Variants in PSORS1C1 observed in about 807,000 individuals in gnomAD.
PSORS1C1 encodes the protein psoriasis susceptibility 1 candidate gene 1 protein.
PSORS1C1 carries 7 observed loss-of-function variants against 9.4 expected under a neutral mutation model. The observed-to-expected ratio is 0.75, with a 90% CI of 0.42 to 1.40. The LOEUF (loss-of-function observed/expected upper bound fraction) is 1.40. PSORS1C1 is among the 40% of genes most tolerant of loss of function. The probability of loss-of-function intolerance (pLI) is 0.01; values close to 1 mark genes in which losing one functional copy is unlikely to be tolerated. For synonymous variants in PSORS1C1, 63 were observed against 69.4 expected (o/e 0.91, Z 0.46); for missense variants, 146 against 178.1 (o/e 0.82, Z 1.02).
chr6:31,124,796 C>T lies in PSORS1C1; in HGVS notation c.-228-880C>T, dbSNP rs571782729. On this transcript the variant is annotated intron_variant, in intron 1 of 5. Coordinates refer to ENST00000259881, the MANE Select transcript of PSORS1C1 (RefSeq NM_014068.3). The stretch of plus-strand genomic sequence containing the variant: ...ACCAGCCTGGCCAACATGGCAAAAC[C>T]ATCTCTACTAAAAATACAAAAATTA... 2.5e-3 allele frequency among the ~76,000 whole-genome samples: 374 copies of T among 152,304 alleles called. 1 individual carries two copies. The highest frequency in any genetic ancestry group is 3.9e-3 in the Non-Finnish European group (265 of 68,016).
At position 31,139,072 on chromosome 6, in the gene PSORS1C1, C is replaced by T. The variant is rs144694558; in HGVS notation, c.167+293C>T. The T allele has an allele frequency of 3.9e-3, 6,096 of 1,561,094 alleles. 27 individuals carry two copies. The highest frequency in any genetic ancestry group is 9.6e-3 in the Middle Eastern group (57 of 5,938). On this transcript the variant is annotated intron_variant, in intron 5 of 5. Coordinates refer to ENST00000259881, the MANE Select transcript of PSORS1C1 (RefSeq NM_014068.3). This position sits in a 1 kb window ranked among gnomAD's most constrained non-coding sequence, Gnocchi z 5.2. ...AGCTGGGGTGGGCTGAGTCTGGGTG[C>T]CTGGGAACCCCAAGAGGCTTTATAG... is the stretch of plus-strand genomic sequence containing the variant.
intron 3 of PSORS1C1, among the ~76,000 whole-genome samples, chr6:31,130,604 A>G (rs3131008): frequency 0.86 from 131,118 of 151,876 alleles, 56,924 homozygotes; most frequent in Middle Eastern, 0.95. Context: ...TAGTAGAGAC[A>G]GGGTTTCACC....
In PSORS1C1 at chr6:31,138,697, A is replaced by C. The variant is rs756886699; in HGVS notation, c.85A>C (p.Thr29Pro). The C allele has an allele frequency of 6.2e-7, 1 of 1,612,146 alleles. No homozygotes were observed. Among genetic ancestry groups the C allele is most frequent in the Non-Finnish European group, 8.5e-7 (1 of 1,179,642 alleles). The change falls in exon 5 of 6, where the codon ACA becomes CCA. Residue 29 changes from threonine to proline, a missense_variant. Physicochemically the swap from Thr to Pro is conservative, Grantham distance 38 (BLOSUM62 -1). Transcript: ENST00000259881. ...TTTACAAGGACCCCAGCTCCTTAAC[A>C]CAGATCCCAGCTCCGAGGAAACTCG... Reference protein sequence around the residue: ...PALQGPQLLNTDPSSEETRPP... With the variant: ...PALQGPQLLNPDPSSEETRPP...
chr6:31,139,021 G>C lies in PSORS1C1; in HGVS notation c.167+242G>C. The C allele has an allele frequency of 6.2e-7, 1 of 1,614,042 alleles. No individual in the cohort carries two copies. Among genetic ancestry groups the C allele is most frequent in the Non-Finnish European group, 8.5e-7 (1 of 1,179,956 alleles). On this transcript the variant is annotated intron_variant, in intron 5 of 5. Coordinates refer to ENST00000259881, the MANE Select transcript of PSORS1C1 (RefSeq NM_014068.3). The surrounding 1 kb of genome is among the most constrained non-coding windows in gnomAD (Gnocchi z 5.2). ...GGATCCCCAGGAGCTTCCAGTTGAG[G>C]ATCATGGCTATGTACTGGCCCCCAA...
intron 1 of PSORS1C1, chr6:31,116,493 A>C: frequency 1.2e-6 from 2 of 1,609,060 alleles, no homozygotes; most frequent in Non-Finnish European, 1.7e-6. Flanking sequence ...GGACCCCACC[A>C]GTCCCCACTG....
chr6:31,117,010 A>G lies in PSORS1C1; in HGVS notation c.-229+2119A>G, dbSNP rs707913. On this transcript the variant is annotated intron_variant, in intron 1 of 5. Transcript: ENST00000259881. ...GCTTTGGCCACTGCTGGATACCCCAAAGGTCTGGGAAGAGGAAGAGCTTTG... is the reference window on the plus strand; with the variant it reads ...GCTTTGGCCACTGCTGGATACCCCAGAGGTCTGGGAAGAGGAAGAGCTTTG... The G allele has an allele frequency of 0.22, 351,147 of 1,613,866 alleles. 41,221 individuals are homozygous for G. Among genetic ancestry groups the G allele is most frequent in the African/African-American group, 0.38 (28,475 of 74,958 alleles).
intron 1 of PSORS1C1, among the ~76,000 whole-genome samples, chr6:31,122,600 A>T (rs936913405): frequency 6.8e-6 from 1 of 147,946 alleles, no homozygotes; most frequent in African/African-American, 2.6e-5. Context: ...ACATGGCGAA[A>T]CCCCGTCTCT....
At chr6:31,121,786 G>A (rs1017947977) in intron 1 of PSORS1C1, among the ~76,000 whole-genome samples, 1 of 152,374 alleles carries the variant, frequency 6.6e-6, no homozygotes, top group African/African-American at 2.4e-5. Flanking sequence ...AGACCAGCAG[G>A]AGGATGGAAA....
chr6:31,123,312 T>A (rs1772545223), intron 1 of PSORS1C1, among the ~76,000 whole-genome samples: 3 of 152,278 alleles, frequency 2.0e-5, no homozygotes, highest in African/African-American at 7.2e-5. Context: ...TTTGGTTTTT[T>A]ACTGAAACCC....
intron 1 of PSORS1C1, chr6:31,120,497 G>T: frequency 7.9e-7 from 1 of 1,258,178 alleles, no homozygotes; most frequent in Non-Finnish European, 1.1e-6. Context: ...ACATTCCCTG[G>T]GCAGGAGTCA....
intron 3 of PSORS1C1, among the ~76,000 whole-genome samples, chr6:31,136,777 AC>A (rs1773157785): frequency 6.6e-6 from 1 of 152,340 alleles, no homozygotes; most frequent in East Asian, 1.9e-4. Flanking sequence ...TACATGCTGG[AC>A]ATGGGCAAGA....
Position 31,115,855 on chromosome 6 carries a change from T to A in PSORS1C1, c.-229+964T>A. On this transcript the variant is annotated intron_variant, in intron 1 of 5. Coordinates refer to ENST00000259881, the MANE Select transcript of PSORS1C1 (RefSeq NM_014068.3). This position sits in a 1 kb window ranked among gnomAD's most constrained non-coding sequence, Gnocchi z 4.2. ...TTTGAGAAGAGGAAGGAGGAAGGGG[T>A]GATAAGAGAGAGTCTGCAACCTTGG... 1 of 610,296 alleles carries A rather than the reference T, an allele frequency of 1.6e-6. No homozygotes were observed. The highest frequency in any genetic ancestry group is 3.0e-6 in the Non-Finnish European group (1 of 338,824). 37.8% of individuals were successfully genotyped at this position (610,296 alleles called of 1,614,324 possible). A position where few individuals can be genotyped will look rare whatever the true frequency, so the allele number is the denominator to read the frequency against.
chr6:31,127,956 G>A (rs1772757751), intron 2 of PSORS1C1, among the ~76,000 whole-genome samples: 2 of 152,198 alleles, frequency 1.3e-5, no homozygotes, highest in African/African-American at 4.8e-5. Flanking sequence ...CTCCCTCACT[G>A]GAAGGCAGCT....
intron 3 of PSORS1C1, 124 bp from the exon 4 acceptor site, chr6:31,138,306 C>A: frequency 6.3e-7 from 1 of 1,598,444 alleles, no homozygotes; most frequent in African/African-American, 1.3e-5. Flanking sequence ...GCCTGAGATG[C>A]CTGTAAAGGA....
chr6:31,117,692 G>C, intron 1 of PSORS1C1: 1 of 645,010 alleles, frequency 1.6e-6, no homozygotes, highest in South Asian at 1.8e-5. Context: ...GTCTCTAAAG[G>C]ATATTGAGGT....
chr6:31,117,478 G>A (rs1280456389), intron 1 of PSORS1C1: 13 of 1,552,888 alleles, frequency 8.4e-6, no homozygotes, highest in Middle Eastern at 1.7e-4. Flanking sequence ...GGTGATACGC[G>A]TGGGGTCCTT....
chr6:31,117,678 T>C, intron 1 of PSORS1C1: 3 of 704,534 alleles, frequency 4.3e-6, no homozygotes, highest in Non-Finnish European at 5.0e-6. Context: ...AAGAACTGGC[T>C]ATTGTCTCTA....
chr6:31,115,225 C>T lies in PSORS1C1; in HGVS notation c.-229+334C>T, dbSNP rs901771140. On this transcript the variant is annotated intron_variant, in intron 1 of 5. Coordinates refer to ENST00000259881, the MANE Select transcript of PSORS1C1 (RefSeq NM_014068.3). This position sits in a 1 kb window ranked among gnomAD's most constrained non-coding sequence, Gnocchi z 4.2. Reference sequence around the variant, plus strand: ...AGGCGTAGGAAGAGCACCACCCAGACTCTCAGAGGAGACCCAGGACTCCAA... The same window carrying T: ...AGGCGTAGGAAGAGCACCACCCAGATTCTCAGAGGAGACCCAGGACTCCAA... The T allele has an allele frequency of 8.3e-5, 22 of 263,616 alleles. No homozygotes were observed. Among genetic ancestry groups the T allele is most frequent in the African/African-American group, 4.3e-4 (19 of 44,484 alleles). 16.3% of individuals were successfully genotyped at this position (263,616 alleles called of 1,614,324 possible).
intron 3 of PSORS1C1, among the ~76,000 whole-genome samples, chr6:31,135,347 A>T (rs1436423692): frequency 1.3e-5 from 2 of 151,948 alleles, no homozygotes; most frequent in Admixed American, 1.3e-4. Context: ...AGCAATTCTC[A>T]TGCCCTAGCT....
Sources: allele counts gnomAD v4.1 joint callset (sites outside exome capture counted in the v4.1 genomes callset), GRCh38; gene constraint gnomAD v4.1.1; non-coding constraint Gnocchi (gnomAD v3.1); transcripts MANE v1.5; gene names NCBI Gene and HGNC (gene_info 2026-07-23, HGNC 2026-07-21).